Variants in THRA observed in about 807,000 individuals in gnomAD.
THRA encodes thyroid hormone receptor alpha.
THRA carries 13 observed loss-of-function variants against 45.0 expected under a neutral mutation model. The observed-to-expected ratio is 0.29, with a 90% CI of 0.19 to 0.46. The LOEUF (loss-of-function observed/expected upper bound fraction) is 0.46. Ranked by LOEUF, THRA falls within the 20% of genes least tolerant of loss-of-function variation. The probability of loss-of-function intolerance (pLI) is 1.00; values close to 1 mark genes in which losing one functional copy is unlikely to be tolerated. For missense variants in THRA, 278 were observed against 556.1 expected (o/e 0.50, Z 5.03); for synonymous variants, 195 against 214.0 (o/e 0.91, Z 0.78).
intron 4 of THRA, 26 bp downstream of exon 4, chr17:40,077,634 C>T: frequency 6.3e-7 from 1 of 1,586,042 alleles, no homozygotes; most frequent in Non-Finnish European, 8.7e-7. Context: ...CCTGCCCCTC[C>T]CCTGCCACCT....
chr17:40,078,580 G>T (rs181155936), intron 4 of THRA, among the ~76,000 whole-genome samples: 14 of 152,340 alleles, frequency 9.2e-5, no homozygotes, highest in Admixed American at 9.2e-4. Context: ...ATTCTTAGGT[G>T]TGAGAGTGTA....
At chr17:40,085,298 A>G (rs1340319486) in intron 6 of THRA, among the ~76,000 whole-genome samples, 1 of 151,694 alleles carries the variant, frequency 6.6e-6, no homozygotes, top group African/African-American at 2.4e-5. Flanking sequence ...GGAGTTTGAG[A>G]CCAGTCTGGG....
chr17:40,062,784 G>T (rs1163331322), upstream of THRA: 3 of 145,292 alleles, frequency 2.1e-5, no homozygotes, highest in Non-Finnish European at 4.6e-5. Context: ...CGCGGCAGGG[G>T]GCGGGGGGCG....
intron 1 of THRA, among the ~76,000 whole-genome samples, chr17:40,064,386 C>A (rs889981565): frequency 1.4e-4 from 21 of 152,096 alleles, no homozygotes; most frequent in African/African-American, 5.1e-4. Flanking sequence ...GACCCTGTCA[C>A]TCACAGGCAC....
intron 1 of THRA, among the ~76,000 whole-genome samples, chr17:40,071,343 T>G (rs1485323246): frequency 1.3e-5 from 2 of 152,220 alleles, no homozygotes; most frequent in Non-Finnish European, 2.9e-5. Flanking sequence ...TGTCCTCAGA[T>G]ATACAGGACT....
At chr17:40,063,473 A>T (rs1986436845) in intron 1 of THRA, among the ~76,000 whole-genome samples, 1 of 151,494 alleles carries the variant, frequency 6.6e-6, no homozygotes, top group East Asian at 2.0e-4. Context: ...GGTGCGCCGG[A>T]GGCCTGCCCC....
intron 1 of THRA, among the ~76,000 whole-genome samples, chr17:40,067,760 G>C (rs1986623402): frequency 6.6e-6 from 1 of 152,210 alleles, no homozygotes; most frequent in South Asian, 2.1e-4. Flanking sequence ...GCTCATGCCT[G>C]TAATCTCAAT....
chr17:40,089,557 C>A lies in THRA; in HGVS notation c.*101C>A. On this transcript the variant is annotated 3_prime_UTR_variant, in exon 9 of 9. Transcript: ENST00000450525. The surrounding 1 kb of genome is among the most constrained non-coding windows in gnomAD (Gnocchi z 6.1). ...GGAGACCCCCCCACACCCCTTCTCT[C>A]CTTCCTCTCGTCCTTGGATAGATTC... 1 of 1,493,096 alleles carries A rather than the reference C, an allele frequency of 6.7e-7. No homozygotes were observed. The allele number at this position is 1,493,096 out of a possible 1,614,324, so 92.5% of individuals were successfully genotyped here. A position where few individuals can be genotyped will look rare whatever the true frequency, so the allele number is the denominator to read the frequency against.
intron 1 of THRA, among the ~76,000 whole-genome samples, chr17:40,072,932 T>G (rs1219380321): frequency 2.6e-5 from 4 of 152,192 alleles, no homozygotes; most frequent in Non-Finnish European, 5.9e-5. Context: ...CAGTGCCCAG[T>G]CCTGGTCTGG....
intron 1 of THRA, among the ~76,000 whole-genome samples, chr17:40,068,178 G>C (rs9913540): frequency 0.31 from 46,623 of 152,162 alleles, 7,830 homozygotes; most frequent in African/African-American, 0.43. Flanking sequence ...GGAGTTGGGA[G>C]GCCTGGCTGT....
At chr17:40,078,480 C>G (rs1176700624) in intron 4 of THRA, among the ~76,000 whole-genome samples, 2 of 152,024 alleles carry the variant, frequency 1.3e-5, no homozygotes, top group Admixed American at 1.3e-4. Context: ...GATTCTGTCT[C>G]AAAGTAAAAT....
chr17:40,091,230 C>CCCCACA lies in THRA; in HGVS notation c.*1774_*1775insCCCACA. On this transcript the variant is annotated 3_prime_UTR_variant, in exon 9 of 9. Coordinates refer to ENST00000450525, the MANE Select transcript of THRA (RefSeq NM_199334.5). ...CTGACCCTCAGCCTGCCACAGCCCC[C>CCCCACA]TACACACACACACACACACACACAC... 1 of 97,354 alleles carries CCCCACA rather than the reference C, an allele frequency of 1.0e-5. No homozygotes were observed. Among genetic ancestry groups the CCCCACA allele is most frequent in the East Asian group, 5.1e-4 (1 of 1,962 alleles). The allele number at this position is 97,354 out of a possible 1,614,324, so 6.0% of individuals were successfully genotyped here.
chr17:40,083,621 C>T (rs1987222571), intron 4 of THRA, among the ~76,000 whole-genome samples: 1 of 152,200 alleles, frequency 6.6e-6, no homozygotes, highest in South Asian at 2.1e-4. Context: ...ACCCAGACAC[C>T]CCCAACCCCT....
chr17:40,074,418 G>A lies in THRA; in HGVS notation c.-71G>A. 6.4e-7 allele frequency: 1 copy of A among 1,571,910 alleles called. No homozygotes were observed. Among genetic ancestry groups the A allele is most frequent in the South Asian group, 1.1e-5 (1 of 89,524 alleles). ...CAGGGGGTGGGTGGCCTGTGGGTGT[G>A]CCGGGGGGGCCAGTGTGCCCACCCC... On this transcript the variant is annotated 5_prime_UTR_variant, in exon 2 of 9. Coordinates refer to ENST00000450525, the MANE Select transcript of THRA (RefSeq NM_199334.5).
At chr17:40,071,764 C>T (rs904926418) in intron 1 of THRA, among the ~76,000 whole-genome samples, 1 of 152,192 alleles carries the variant, frequency 6.6e-6, no homozygotes, top group South Asian at 2.1e-4. Context: ...TTTTTCTGTC[C>T]GTGGCTAACA....
In THRA at chr17:40,089,303, T is replaced by G; in HGVS notation, c.1080T>G (p.Ile360Met). Residue 360 changes from isoleucine (I) to methionine (M), a missense_variant, in exon 9 of 9, where the codon ATT becomes ATG. Ile to Met is a conservative substitution (Grantham distance 10). Transcript: ENST00000450525. The surrounding 1 kb of genome is among the most constrained non-coding windows in gnomAD (Gnocchi z 6.1). ...ACGTCAACCACCGCAAACACAACATTCCGCACTTCTGGCCCAAGCTGCTGA... is the reference window on the plus strand; with the variant it reads ...ACGTCAACCACCGCAAACACAACATGCCGCACTTCTGGCCCAAGCTGCTGA... The part of the protein sequence containing the change: ...EHYVNHRKHN[I>M]PHFWPKLLMK... The G allele has an allele frequency of 6.2e-7, 1 of 1,613,830 alleles. No individual in the cohort carries two copies. The highest frequency in any genetic ancestry group is 8.5e-7 in the Non-Finnish European group (1 of 1,179,982).
chr17:40,088,986 C>T (rs1987433222), intron 8 of THRA, among the ~76,000 whole-genome samples: 2 of 125,798 alleles, frequency 1.6e-5, no homozygotes, highest in Non-Finnish European at 3.3e-5. Flanking sequence ...TTGCCCCCTC[C>T]CCCCAGTACC....
At chr17:40,081,779 C>T (rs1000020740) in intron 4 of THRA, among the ~76,000 whole-genome samples, 2 of 151,770 alleles carry the variant, frequency 1.3e-5, no homozygotes, top group African/African-American at 2.4e-5. Flanking sequence ...GCCTGGCCAA[C>T]ATGGTGAAAC....
chr17:40,067,698 A>G (rs1335443133), intron 1 of THRA, among the ~76,000 whole-genome samples: 1 of 152,172 alleles, frequency 6.6e-6, no homozygotes, highest in African/African-American at 2.4e-5. Context: ...GGTGACGGGA[A>G]GCCTTTGGAG....
Sources: allele counts gnomAD v4.1 joint callset (sites outside exome capture counted in the v4.1 genomes callset), GRCh38; gene constraint gnomAD v4.1.1; non-coding constraint Gnocchi (gnomAD v3.1); transcripts MANE v1.5; gene names NCBI Gene and HGNC (gene_info 2026-07-23, HGNC 2026-07-21).